The following PTPN4 variants were observed in gnomAD, a reference collection of about 807,000 sequenced individuals.
The protein encoded by PTPN4 is protein tyrosine phosphatase non-receptor type 4.
Under a neutral mutation model 135.5 loss-of-function variants are expected in PTPN4, and 49 were observed. The observed-to-expected ratio is 0.36, with a 90% CI of 0.29 to 0.46. PTPN4 has a LOEUF of 0.46. Among genes scored for constraint, PTPN4 ranks in the 20% least tolerant of loss-of-function variants. The probability of loss-of-function intolerance (pLI) is 1.00; values close to 1 mark genes in which losing one functional copy is unlikely to be tolerated. For missense variants in PTPN4, 860 were observed against 1,101.0 expected (o/e 0.78, Z 3.10); for synonymous variants, 333 against 369.9 (o/e 0.90, Z 1.14).
intron 18 of PTPN4, chr2:119,946,782 C>G: frequency 2.2e-6 from 1 of 463,292 alleles, no homozygotes; most frequent in South Asian, 3.5e-5. Context: ...TATAAAGAAG[C>G]TATTTATGAC....
intron 1 of PTPN4, among the ~76,000 whole-genome samples, chr2:119,766,556 A>G (rs1369568047): frequency 1.3e-5 from 2 of 151,846 alleles, no homozygotes; most frequent in African/African-American, 4.8e-5. Context: ...CTAAACATGC[A>G]TTTAGTCTGC....
At position 119,838,594 on chromosome 2, in the gene PTPN4, T is replaced by G. The variant is rs138287469; in HGVS notation, c.139-23942T>G. On this transcript the variant is annotated intron_variant, in intron 2 of 26. Transcript: ENST00000263708. ...AGTTGTTATTGACTTAAAATTCTAGTGATAAAGCTAAATAAGATCTGTCGG... is the reference window on the plus strand; with the variant it reads ...AGTTGTTATTGACTTAAAATTCTAGGGATAAAGCTAAATAAGATCTGTCGG... Among the ~76,000 whole-genome samples, 544 of 152,298 alleles carry G rather than the reference T, an allele frequency of 3.6e-3. 3 individuals are homozygous for G. Among genetic ancestry groups the G allele is most frequent in the African/African-American group, 0.013 (523 of 41,550 alleles).
At chr2:119,929,020 A>G (rs1678864261) in intron 13 of PTPN4, among the ~76,000 whole-genome samples, 1 of 152,154 alleles carries the variant, frequency 6.6e-6, no homozygotes, top group South Asian at 2.1e-4. Context: ...GTTGTTTAAT[A>G]GGTTATTTTA....
intron 9 of PTPN4, among the ~76,000 whole-genome samples, chr2:119,889,082 T>C (rs533088486): frequency 6.6e-6 from 1 of 152,304 alleles, no homozygotes; most frequent in African/African-American, 2.4e-5. Flanking sequence ...CAGGAATTCA[T>C]TTCCTCTAGG....
chr2:119,906,052 A>G (rs1678483132), intron 10 of PTPN4, among the ~76,000 whole-genome samples: 1 of 152,312 alleles, frequency 6.6e-6, no homozygotes. Context: ...TCAAGGAACT[A>G]GAAAAGCCAG....
chr2:119,908,060 T>G (rs1678514857), intron 10 of PTPN4, among the ~76,000 whole-genome samples: 1 of 152,174 alleles, frequency 6.6e-6, no homozygotes, highest in South Asian at 2.1e-4. Context: ...TGGGTAGGTC[T>G]TTAAAAGTAC....
intron 1 of PTPN4, among the ~76,000 whole-genome samples, chr2:119,774,969 A>G (rs1690803844): frequency 6.6e-6 from 1 of 151,890 alleles, no homozygotes; most frequent in African/African-American, 2.4e-5. Flanking sequence ...GTGAGCCAAT[A>G]TCGCGCCACT....
At chr2:119,765,285 A>G (rs1690595109) in intron 1 of PTPN4, among the ~76,000 whole-genome samples, 1 of 152,216 alleles carries the variant, frequency 6.6e-6, no homozygotes, top group Non-Finnish European at 1.5e-5. Context: ...CAATGAATAT[A>G]ATTTAAGTGA....
chr2:119,909,379 A>G lies in PTPN4; in HGVS notation c.765-5800A>G, dbSNP rs749718800. Among the ~76,000 whole-genome samples, 3 of 152,284 alleles carry G rather than the reference A, an allele frequency of 2.0e-5. No homozygotes were observed. The East Asian group carries it at 5.8e-4, about 29-fold the overall frequency. ...CTAGAAATGGAACGTCAAAGCCTGG[A>G]TGACCACACATCTGTTTACAGCATA... On this transcript the variant is annotated intron_variant, in intron 10 of 26. Coordinates refer to ENST00000263708, the MANE Select transcript of PTPN4 (RefSeq NM_002830.4).
At chr2:119,902,070 T>A (rs192226064) in intron 10 of PTPN4, among the ~76,000 whole-genome samples, 11 of 152,206 alleles carry the variant, frequency 7.2e-5, no homozygotes. Context: ...GAATCACAGA[T>A]GCAGAAAGTT....
At chr2:119,899,027 G>A (rs1251217897) in intron 9 of PTPN4, among the ~76,000 whole-genome samples, 2 of 152,116 alleles carry the variant, frequency 1.3e-5, no homozygotes, top group African/African-American at 2.4e-5. Context: ...ACTTGGTTGC[G>A]AATGCTGTTT....
At chr2:119,768,381 T>G (rs1313529688) in intron 1 of PTPN4, among the ~76,000 whole-genome samples, 2 of 152,156 alleles carry the variant, frequency 1.3e-5, no homozygotes, top group Non-Finnish European at 1.5e-5. Flanking sequence ...GAGATGCTAT[T>G]TAGGAACTGA....
intron 2 of PTPN4, among the ~76,000 whole-genome samples, chr2:119,843,494 G>T (rs1477119531): frequency 3.1e-5 from 4 of 127,094 alleles, no homozygotes; most frequent in African/African-American, 6.3e-5. Context: ...CGTTCTCAAT[G>T]AGCTGTTGGG....
At chr2:119,829,509 C>T (rs550763175) in intron 2 of PTPN4, among the ~76,000 whole-genome samples, 2 of 152,294 alleles carry the variant, frequency 1.3e-5, no homozygotes, top group South Asian at 2.1e-4. Flanking sequence ...TCCTGTTAAC[C>T]TCGAATCTTT....
Position 119,919,809 on chromosome 2 carries a change from G to A in PTPN4, c.829-260G>A, listed in dbSNP as rs999093142. On this transcript the variant is annotated intron_variant, in intron 11 of 26. Coordinates refer to ENST00000263708, the MANE Select transcript of PTPN4 (RefSeq NM_002830.4). ...ACTGCACTCCAGCATGGATGACAGA[G>A]TGAGACTGTGTCTCAAAAAAAAAAA... Among the ~76,000 whole-genome samples, 3 of 139,680 alleles carry A rather than the reference G, an allele frequency of 2.1e-5. No individual in the cohort carries two copies. In the Admixed American group the frequency reaches 2.2e-4, roughly 10 times the overall value. The allele number at this position is 139,680 out of a possible 152,430, so 91.6% of individuals were successfully genotyped here. A position where few individuals can be genotyped will look rare whatever the true frequency, so the allele number is the denominator to read the frequency against.
chr2:119,765,785 A>G (rs1476665456), intron 1 of PTPN4, among the ~76,000 whole-genome samples: 1 of 152,222 alleles, frequency 6.6e-6, no homozygotes, highest in Non-Finnish European at 1.5e-5. Flanking sequence ...ATCTGGGTAG[A>G]GAGAACAGCA....
At position 119,979,879 on chromosome 2, in the gene PTPN4, A is replaced by C. The variant is rs939051059; in HGVS notation, c.*2809A>C. 2 of 152,008 alleles carry C rather than the reference A, an allele frequency of 1.3e-5. No individual in the cohort carries two copies. Among genetic ancestry groups the C allele is most frequent in the African/African-American group, 4.8e-5 (2 of 41,412 alleles). The allele number at this position is 152,008 out of a possible 1,614,324, so 9.4% of individuals were successfully genotyped here. On this transcript the variant is annotated 3_prime_UTR_variant, in exon 27 of 27. Transcript: ENST00000263708. ...TAAATGCTAAGAAGTGTTTGTGAAA[A>C]CCTTCCCTTTCTGAGTTAGGATTGT... is the stretch of plus-strand genomic sequence containing the variant.
rs184467635 is a variant in PTPN4 at position 119,865,508 on chromosome 2, A to G, written c.246+2865A>G. Among the ~76,000 whole-genome samples, 3 of 152,224 alleles carry G rather than the reference A, an allele frequency of 2.0e-5. No individual in the cohort carries two copies. In the East Asian group the frequency reaches 5.8e-4, roughly 29 times the overall value. ...AGTAGCTGAGAAAGGACTTGAACTC[A>G]GATCTAACTTCAAAGCCTGTACTCT... On this transcript the variant is annotated intron_variant, in intron 3 of 26. Coordinates refer to ENST00000263708, the MANE Select transcript of PTPN4 (RefSeq NM_002830.4).
intron 2 of PTPN4, among the ~76,000 whole-genome samples, chr2:119,848,408 C>T (rs1677539553): frequency 6.6e-6 from 1 of 152,104 alleles, no homozygotes; most frequent in African/African-American, 2.4e-5. Context: ...CTCCTGACCT[C>T]GTGATCCACC....
Sources: allele counts gnomAD v4.1 joint callset (sites outside exome capture counted in the v4.1 genomes callset), GRCh38; gene constraint gnomAD v4.1.1; transcripts MANE v1.5; gene names NCBI Gene and HGNC (gene_info 2026-07-23, HGNC 2026-07-21).